Variants in GALNT10 observed in about 807,000 individuals in gnomAD.
GALNT10 encodes GalNAc transferase 10.
In GALNT10, 41 loss-of-function variants were observed where a neutral mutation model predicts 75.0. The ratio of observed to expected loss-of-function variants is 0.55; its 90% confidence interval spans 0.43 to 0.71. The LOEUF (loss-of-function observed/expected upper bound fraction) is 0.71, where lower values mean the gene tolerates loss of function less well. GALNT10 is among the 30% of genes least tolerant of loss of function. The pLI is 0.00. For synonymous variants in GALNT10, 302 were observed against 313.0 expected (o/e 0.96, Z 0.37); for missense variants, 727 against 818.5 (o/e 0.89, Z 1.36).
chr5:154,339,488 A>G lies in GALNT10; in HGVS notation c.568+9750A>G, dbSNP rs529805645. On this transcript the variant is annotated intron_variant, in intron 4 of 11. Coordinates refer to ENST00000297107, the MANE Select transcript of GALNT10 (RefSeq NM_198321.4). Reference sequence around the variant, plus strand: ...ACAGGATGCAAGAGTCAATATATCTATGGGATATTTTGTGCATCTTAAAAA... The same window carrying G: ...ACAGGATGCAAGAGTCAATATATCTGTGGGATATTTTGTGCATCTTAAAAA... 1.6e-4 allele frequency among the ~76,000 whole-genome samples: 25 copies of G among 151,602 alleles called. 1 individual carries two copies. In the South Asian group the frequency reaches 5.0e-3, roughly 30 times the overall value.
chr5:154,275,983 G>T (rs1481916278), intron 1 of GALNT10, among the ~76,000 whole-genome samples: 1 of 152,212 alleles, frequency 6.6e-6, no homozygotes, highest in Non-Finnish European at 1.5e-5. Context: ...ATTGCAGCTA[G>T]CCTTTGAAAA....
At position 154,404,101 on chromosome 5, in the gene GALNT10, C is replaced by G. The variant is rs1317986313; in HGVS notation, c.1057-3C>G. ...ATCCTCTCTCTTCCTTCTTGCCATG[C>G]AGGTGTGGATGTGTGGGGGCCGCAT... On this transcript the variant is annotated splice_region_variant and splice_polypyrimidine_tract_variant and intron_variant, in intron 7 of 11. Coordinates refer to ENST00000297107, the MANE Select transcript of GALNT10 (RefSeq NM_198321.4). 6.2e-7 allele frequency: 1 copy of G among 1,607,820 alleles called. No individual in the cohort carries two copies. Among genetic ancestry groups the G allele is most frequent in the African/African-American group, 1.3e-5 (1 of 74,816 alleles).
intron 1 of GALNT10, among the ~76,000 whole-genome samples, chr5:154,286,774 G>C (rs1754118459): frequency 6.6e-6 from 1 of 152,174 alleles, no homozygotes; most frequent in South Asian, 2.1e-4. Flanking sequence ...AGTTACTGGA[G>C]TGGGGACAAC....
At chr5:154,216,621 A>G (rs1030560089) in intron 1 of GALNT10, among the ~76,000 whole-genome samples, 29 of 152,168 alleles carry the variant, frequency 1.9e-4, no homozygotes, top group Non-Finnish European at 1.5e-5. Flanking sequence ...GAAATTTGTA[A>G]TCATAAAATG....
chr5:154,317,902 A>T lies in GALNT10; in HGVS notation c.402-11670A>T, dbSNP rs532653240. On this transcript the variant is annotated intron_variant, in intron 3 of 11. Coordinates refer to ENST00000297107, the MANE Select transcript of GALNT10 (RefSeq NM_198321.4). ...CTTGGCTCTGTTTTCCACTCTGTTA[A>T]CTTCATTCTGAGGCAAGGAACAGTC... is the stretch of plus-strand genomic sequence containing the variant. Among the ~76,000 whole-genome samples the T allele has an allele frequency of 2.6e-5, 4 of 152,368 alleles. No homozygotes were observed. The East Asian group carries it at 5.8e-4, about 22-fold the overall frequency.
chr5:154,317,779 G>T (rs1754616103), intron 3 of GALNT10, among the ~76,000 whole-genome samples: 1 of 152,168 alleles, frequency 6.6e-6, no homozygotes, highest in African/African-American at 2.4e-5. Flanking sequence ...AAAATGTATT[G>T]GTTTATATAA....
At chr5:154,357,810 G>C (rs1324003254) in intron 4 of GALNT10, among the ~76,000 whole-genome samples, 1 of 152,098 alleles carries the variant, frequency 6.6e-6, no homozygotes, top group African/African-American at 2.4e-5. Flanking sequence ...TCCAACCTGG[G>C]GGCCCGTTAA....
rs70978542 is a variant in GALNT10 at position 154,416,480 on chromosome 5, TACACACACACACACACACAC to T, written c.1654-315_1654-296del. Among the ~76,000 whole-genome samples the T allele has an allele frequency of 7.0e-6, 1 of 141,930 alleles. No individual in the cohort carries two copies. Among genetic ancestry groups the T allele is most frequent in the East Asian group, 2.1e-4 (1 of 4,824 alleles). 93.1% of individuals were successfully genotyped at this position (141,930 alleles called of 152,430 possible). On this transcript the variant is annotated intron_variant, in intron 11 of 11. Transcript: ENST00000297107. The surrounding 1 kb of genome is among the most constrained non-coding windows in gnomAD (Gnocchi z 4.5). ...AAATAAAAGATAAAAGGAAAGCACA[TACACACACACACACACACAC>T]ACACACACACACACACACGATAAGG...
At chr5:154,407,575 T>C (rs115150831) in intron 8 of GALNT10, among the ~76,000 whole-genome samples, 3,266 of 152,288 alleles carry the variant, frequency 0.021, 49 homozygotes, top group South Asian at 0.057. Flanking sequence ...TTGTTTTCAG[T>C]TGGAGTGAAA....
intron 4 of GALNT10, among the ~76,000 whole-genome samples, chr5:154,371,298 CAT>C (rs1051795586): frequency 3.3e-5 from 5 of 152,116 alleles, no homozygotes; most frequent in African/African-American, 1.2e-4. Flanking sequence ...CCCGTCTTAA[CAT>C]AACTACATCT....
chr5:154,219,838 T>TCTCTCTCA (rs1491445463), intron 1 of GALNT10, among the ~76,000 whole-genome samples: 303 of 125,662 alleles, frequency 2.4e-3, no homozygotes, highest in Middle Eastern at 7.8e-3. Flanking sequence ...TCTCTCTCTC[T>TCTCTCTCA]CACACACACA....
At chr5:154,330,909 G>A (rs1407340562) in intron 4 of GALNT10, among the ~76,000 whole-genome samples, 1 of 1,928 alleles carries the variant, frequency 5.2e-4, no homozygotes, top group Non-Finnish European at 3.0e-3. Flanking sequence ...GACAGAGAGG[G>A]TGTGTGTGTG....
intron 3 of GALNT10, among the ~76,000 whole-genome samples, chr5:154,311,229 G>A (rs1248415718): frequency 1.3e-5 from 2 of 152,194 alleles, no homozygotes; most frequent in Non-Finnish European, 2.9e-5. Flanking sequence ...CATTTGTCGA[G>A]TGCTCCTATT....
intron 4 of GALNT10, among the ~76,000 whole-genome samples, chr5:154,361,710 C>G (rs1229573535): frequency 6.6e-6 from 1 of 152,226 alleles, no homozygotes; most frequent in Non-Finnish European, 1.5e-5. Context: ...AAGAGGCCAT[C>G]TAGACAGTGG....
At chr5:154,264,460 T>C (rs776209640) in intron 1 of GALNT10, among the ~76,000 whole-genome samples, 2 of 152,156 alleles carry the variant, frequency 1.3e-5, no homozygotes, top group Non-Finnish European at 2.9e-5. Flanking sequence ...GCTGAAGTAC[T>C]CAGTGACCAA....
At chr5:154,290,561 A>G (rs1328618858) in intron 1 of GALNT10, among the ~76,000 whole-genome samples, 1 of 152,176 alleles carries the variant, frequency 6.6e-6, no homozygotes, top group Non-Finnish European at 1.5e-5. Context: ...TTAAAATCCT[A>G]AAGGAGTCAG....
At chr5:154,372,127 C>G (rs1755581968) in intron 4 of GALNT10, among the ~76,000 whole-genome samples, 1 of 152,158 alleles carries the variant, frequency 6.6e-6, no homozygotes, top group Admixed American at 6.5e-5. Flanking sequence ...GCCAGATTGC[C>G]TGGGTTTTAA....
Position 154,418,697 on chromosome 5 carries a change from CTGAA to C in GALNT10, c.*1728_*1731del, listed in dbSNP as rs1181650087. ...CACTCCCAATCATCCACCAGTCAGA[CTGAA>C]TGTGTAGCTGGCGAGGAATTACTTC... On this transcript the variant is annotated 3_prime_UTR_variant, in exon 12 of 12. Coordinates refer to ENST00000297107, the MANE Select transcript of GALNT10 (RefSeq NM_198321.4). The C allele has an allele frequency of 6.6e-6, 1 of 152,204 alleles. No individual in the cohort carries two copies. The highest frequency in any genetic ancestry group is 1.5e-5 in the Non-Finnish European group (1 of 68,038). 9.4% of individuals were successfully genotyped at this position (152,204 alleles called of 1,614,324 possible). A position where few individuals can be genotyped will look rare whatever the true frequency, so the allele number is the denominator to read the frequency against.
intron 2 of GALNT10, 71 bp from the exon 3 acceptor site, chr5:154,297,870 T>C (rs1671491224): frequency 7.4e-7 from 1 of 1,344,960 alleles, no homozygotes. Flanking sequence ...ATATTTTTCA[T>C]CCTTTTTCCC....
Sources: allele counts gnomAD v4.1 joint callset (sites outside exome capture counted in the v4.1 genomes callset), GRCh38; gene constraint gnomAD v4.1.1; non-coding constraint Gnocchi (gnomAD v3.1); transcripts MANE v1.5; gene names NCBI Gene and HGNC (gene_info 2026-07-23, HGNC 2026-07-21).